ZFHX3: variants seen among roughly 807,000 people sequenced by gnomAD.
ZFHX3 encodes zinc finger homeobox 3.
Under a neutral mutation model 279.1 loss-of-function variants are expected in ZFHX3, and 42 were observed. The ratio of observed to expected loss-of-function variants is 0.15; its 90% CI spans 0.12 to 0.19. The LOEUF (loss-of-function observed/expected upper bound fraction) is 0.19. ZFHX3 is among the 10% of genes least tolerant of loss of function. The pLI, the probability that ZFHX3 is intolerant of heterozygous loss-of-function variation, is 1.00. For synonymous variants in ZFHX3, 2,293 were observed against 1,957.8 expected (o/e 1.17, Z -4.52); for missense variants, 4,981 against 4,754.0 (o/e 1.05, Z -1.40).
At chr16:73,558,519 C>T (rs577425428) in intron 2 of ZFHX3, 1 of 152,308 alleles carries the variant, frequency 6.6e-6, no homozygotes, top group South Asian at 2.1e-4. Context: ...TCTTATTTCT[C>T]ATAGCCAAAG....
At chr16:73,606,001 G>A (rs1441496689) in intron 2 of ZFHX3, among the ~76,000 whole-genome samples, 1 of 151,466 alleles carries the variant, frequency 6.6e-6, no homozygotes, top group Non-Finnish European at 1.5e-5. Context: ...GGCTAACACA[G>A]TGAAAGCCCG....
At chr16:73,801,607 C>T (rs1395179411) in intron 1 of ZFHX3, among the ~76,000 whole-genome samples, 3 of 152,208 alleles carry the variant, frequency 2.0e-5, no homozygotes, top group Non-Finnish European at 4.4e-5. Context: ...CCCTGTGTTT[C>T]CATTTCTGCA....
intron 4 of ZFHX3, among the ~76,000 whole-genome samples, chr16:72,887,867 G>A (rs1226019369): frequency 6.6e-6 from 1 of 152,034 alleles, no homozygotes; most frequent in Non-Finnish European, 1.5e-5. Flanking sequence ...CAGAGAAAGT[G>A]TATGTGTGTG....
chr16:73,060,281 G>A (rs1472371771), upstream of ZFHX3: 1 of 144,732 alleles, frequency 6.9e-6, no homozygotes, highest in Non-Finnish European at 1.5e-5. Context: ...GCACAGTCAC[G>A]AAGCCAAAGG....
At chr16:73,440,749 G>GA (rs1305119414) in intron 3 of ZFHX3, among the ~76,000 whole-genome samples, 4 of 152,100 alleles carry the variant, frequency 2.6e-5, no homozygotes, top group African/African-American at 4.8e-5. Context: ...AAATGGCTTT[G>GA]AAAAAATCCA....
chr16:73,424,393 A>C (rs569894743), intron 3 of ZFHX3, among the ~76,000 whole-genome samples: 3 of 152,282 alleles, frequency 2.0e-5, no homozygotes, highest in African/African-American at 7.2e-5. Context: ...TTGCTCTTCC[A>C]GGGGCTTCTG....
In ZFHX3 at chr16:72,959,809, C is replaced by T. The variant is rs62640010; in HGVS notation, c.337G>A (p.Ala113Thr). The change falls in exon 2 of 10, where the codon GCC becomes ACC. Residue 113 changes from alanine to threonine, a missense_variant. Physicochemically the swap from Ala to Thr is moderately conservative, Grantham distance 58 (BLOSUM62 0). Transcript: ENST00000268489. ...TCCCCCTCCTCACCGGTGTCGCTGG[C>T]GCTCTCCTCTCTCAGGGGTGGCGGG... ...RPPPPLREES[A>T]SDTGEEGDEE... is the part of the protein sequence containing the mutation. 34,113 of 1,594,610 alleles carry T rather than the reference C, an allele frequency of 0.021. 515 individuals are homozygous for T. Among genetic ancestry groups the T allele is most frequent in the Middle Eastern group, 0.067 (398 of 5,964 alleles).
At chr16:73,555,789 G>T (rs568021934) in intron 2 of ZFHX3, among the ~76,000 whole-genome samples, 1 of 150,690 alleles carries the variant, frequency 6.6e-6, no homozygotes, top group East Asian at 2.0e-4. Flanking sequence ...CTGAAATAGC[G>T]CCACTGTACT....
rs367751833 is a variant in ZFHX3, at chr16:72,959,183, G to C, written c.963C>G (p.Asn321Lys). 6.2e-7 allele frequency: 1 copy of C among 1,614,250 alleles called. No individual in the cohort carries two copies. The highest frequency in any genetic ancestry group is 1.1e-5 in the South Asian group (1 of 91,084). ...CGATCCCTTGGATGATAGCGGAGAT[G>C]TTCTTATTGCTAAGAATTTTCCGCT... is the stretch of plus-strand genomic sequence containing the variant. ...EDERKILSNK[N>K]ISAIIQGIGK... The change falls in exon 2 of 10, where the codon AAC (asparagine) becomes AAG (lysine). Residue 321 changes from asparagine to lysine, a missense_variant. By Grantham distance (94) the Asn-to-Lys change is moderately conservative (BLOSUM62 0). Transcript: ENST00000268489.
intron 2 of ZFHX3, among the ~76,000 whole-genome samples, chr16:73,526,059 G>T (rs1268408041): frequency 6.6e-6 from 1 of 152,190 alleles, no homozygotes; most frequent in Non-Finnish European, 1.5e-5. Flanking sequence ...AGATGAGGAC[G>T]TGCAGGAAGC....
intron 2 of ZFHX3, among the ~76,000 whole-genome samples, chr16:73,649,156 T>G (rs746850231): frequency 1.3e-5 from 2 of 152,238 alleles, no homozygotes; most frequent in African/African-American, 2.4e-5. Flanking sequence ...GAACAAGTGT[T>G]TTTTCTTTAC....
intron 1 of ZFHX3, among the ~76,000 whole-genome samples, chr16:72,985,884 T>C (rs534128289): frequency 6.6e-6 from 1 of 152,286 alleles, no homozygotes; most frequent in South Asian, 2.1e-4. Context: ...ACCACTGAGA[T>C]ACTAAAGCAG....
At chr16:73,638,153 A>G (rs553693033) in intron 2 of ZFHX3, among the ~76,000 whole-genome samples, 1 of 152,302 alleles carries the variant, frequency 6.6e-6, no homozygotes, top group East Asian at 1.9e-4. Context: ...ATTCTTAGAG[A>G]ATTTTATTCC....
At chr16:73,420,534 A>C (rs1258385591) in intron 3 of ZFHX3, 9 of 152,244 alleles carry the variant, frequency 5.9e-5, no homozygotes, top group African/African-American at 2.2e-4. Context: ...CTCCAATGCC[A>C]GTCCTCCCAA....
At chr16:73,688,141 G>T (rs542707830) in intron 1 of ZFHX3, among the ~76,000 whole-genome samples, 1 of 152,010 alleles carries the variant, frequency 6.6e-6, no homozygotes, top group South Asian at 2.1e-4. Context: ...TGGATCACCT[G>T]AGGTCAGAAG....
At chr16:73,148,734 G>C (rs920028630) in intron 5 of ZFHX3, among the ~76,000 whole-genome samples, 27 of 151,730 alleles carry the variant, frequency 1.8e-4, no homozygotes. Flanking sequence ...ATCGCCTGAG[G>C]TCAGGAGTTC....
At chr16:72,985,654 A>G (rs1223371680) in intron 1 of ZFHX3, among the ~76,000 whole-genome samples, 1 of 152,172 alleles carries the variant, frequency 6.6e-6, no homozygotes, top group African/African-American at 2.4e-5. Flanking sequence ...ACGCCTTTAA[A>G]AAGTTGTACT....
chr16:72,873,141 T>G (rs1240415291), intron 4 of ZFHX3, among the ~76,000 whole-genome samples: 1 of 152,220 alleles, frequency 6.6e-6, no homozygotes, highest in African/African-American at 2.4e-5. Context: ...CTGTTAACCT[T>G]CAATGGGCGT....
Position 72,863,159 on chromosome 16 carries a change from A to T in ZFHX3, c.3448+26572T>A, listed in dbSNP as rs1395079723. On this transcript the variant is annotated intron_variant, in intron 4 of 9. Coordinates refer to ENST00000268489, the MANE Select transcript of ZFHX3 (RefSeq NM_006885.4). ...TATGAACTCAATATTTGATGATTCCATGAATTTATAATTTTTAGGGGTCTG... is the reference window on the plus strand; with the variant it reads ...TATGAACTCAATATTTGATGATTCCTTGAATTTATAATTTTTAGGGGTCTG... Among the ~76,000 whole-genome samples the T allele has an allele frequency of 3.9e-5, 6 of 152,120 alleles. No individual in the cohort carries two copies. The East Asian group carries it at 1.2e-3, about 29-fold the overall frequency.
Sources: gnomAD v4.1 joint callset for allele counts (sites outside exome capture counted in the v4.1 genomes callset) on GRCh38, gnomAD v4.1.1 for gene constraint, MANE v1.5 for transcripts, NCBI Gene and HGNC (gene_info 2026-07-23, HGNC 2026-07-21) for gene names.